Variants in GPR149 observed in about 807,000 individuals in gnomAD.
The protein encoded by GPR149 is probable G protein-coupled receptor 149.
GPR149 carries 50 observed loss-of-function variants against 50.2 expected under a neutral mutation model. That is an observed-to-expected ratio of 1.00 (90% confidence interval 0.79 to 1.26). The LOEUF is 1.26. Ranked by LOEUF, GPR149 falls within the 50% of genes most tolerant of loss-of-function variation. The pLI is 0.00. For synonymous variants in GPR149, 405 were observed against 358.2 expected, an observed-to-expected ratio of 1.13 and a Z score of -1.48; for missense variants, 983 against 895.4, an observed-to-expected ratio of 1.10 and a Z score of -1.25.
intron 3 of GPR149, among the ~76,000 whole-genome samples, chr3:154,339,931 A>G (rs1306100879): frequency 6.6e-6 from 1 of 151,406 alleles, no homozygotes; most frequent in East Asian, 1.9e-4. Flanking sequence ...CTGGGACTAC[A>G]GGCACCCACC....
chr3:154,395,289 A>T (rs903154430), intron 3 of GPR149, among the ~76,000 whole-genome samples: 1 of 151,834 alleles, frequency 6.6e-6, no homozygotes, highest in African/African-American at 2.4e-5. Context: ...ATCAAGTTTT[A>T]TCGTAATTTC....
intron 3 of GPR149, among the ~76,000 whole-genome samples, chr3:154,394,144 C>A (rs1047019767): frequency 6.6e-6 from 1 of 152,080 alleles, no homozygotes; most frequent in Non-Finnish European, 1.5e-5. Context: ...GGAGGCATCA[C>A]ATTTCCTGAT....
At position 154,429,715 on chromosome 3, in the gene GPR149, G is replaced by A. The variant is rs1029362261; in HGVS notation, c.-100C>T. 1 of 1,068,748 alleles carries A rather than the reference G, an allele frequency of 9.4e-7. No homozygotes were observed. The highest frequency in any genetic ancestry group is 1.5e-5 in the South Asian group (1 of 65,442). The allele number at this position is 1,068,748 out of a possible 1,614,324, so 66.2% of individuals were successfully genotyped here. A position where few individuals can be genotyped will look rare whatever the true frequency, so the allele number is the denominator to read the frequency against. On this transcript the variant is annotated 5_prime_UTR_variant, in exon 1 of 4. Transcript: ENST00000389740. ...AATCAGATTTCATTCCTCCTACCAA[G>A]TTCCCCTCTAGATGTTCTCCTTGTC... is the stretch of plus-strand genomic sequence containing the variant.
intron 3 of GPR149, among the ~76,000 whole-genome samples, chr3:154,374,163 T>C (rs1407482405): frequency 1.6e-4 from 4 of 24,980 alleles, no homozygotes; most frequent in African/African-American, 4.6e-4. Flanking sequence ...TCTTTTCTTT[T>C]CTTTTCTTTT....
chr3:154,352,694 C>A (rs1714109534), intron 3 of GPR149: 2 of 781,574 alleles, frequency 2.6e-6, no homozygotes, highest in Admixed American at 3.4e-5. Flanking sequence ...AGTCTCTGAG[C>A]TGATGGTCAG....
chr3:154,429,530 G>A lies in GPR149; in HGVS notation c.86C>T (p.Pro29Leu), dbSNP rs753624935. Residue 29 changes from proline to leucine, a missense_variant, in exon 1 of 4, where the codon CCA becomes CTA. Transcript: ENST00000389740. ...NHNSTDLLNP[P>L]GTLNIYLFCL... Reference sequence around the variant, plus strand: ...AAAAAGATAGATATTCAGGGTTCCTGGCGGATTTAAAAGGTCCGTAGAATT... The same window carrying A: ...AAAAAGATAGATATTCAGGGTTCCTAGCGGATTTAAAAGGTCCGTAGAATT... The A allele has an allele frequency of 3.1e-6, 5 of 1,614,070 alleles. No individual in the cohort carries two copies. Among genetic ancestry groups the A allele is most frequent in the Non-Finnish European group, 4.2e-6 (5 of 1,180,042 alleles).
chr3:154,405,128 A>G (rs1173072860), intron 3 of GPR149, among the ~76,000 whole-genome samples: 1 of 152,238 alleles, frequency 6.6e-6, no homozygotes, highest in Non-Finnish European at 1.5e-5. Context: ...ATGATATTAT[A>G]CTTATAAATT....
chr3:154,412,386 A>G (rs1711861659), intron 3 of GPR149, among the ~76,000 whole-genome samples: 2 of 152,064 alleles, frequency 1.3e-5, no homozygotes, highest in Admixed American at 1.3e-4. Flanking sequence ...ATTGGCACAG[A>G]GGAAGTCAAA....
At chr3:154,385,634 A>G (rs1269312380) in intron 3 of GPR149, among the ~76,000 whole-genome samples, 2 of 152,000 alleles carry the variant, frequency 1.3e-5, no homozygotes, top group East Asian at 1.9e-4. Flanking sequence ...TAGGAGCTGT[A>G]TAAGGGACAG....
At chr3:154,359,501 T>C (rs1157561819) in intron 3 of GPR149, among the ~76,000 whole-genome samples, 1 of 152,182 alleles carries the variant, frequency 6.6e-6, no homozygotes, top group Non-Finnish European at 1.5e-5. Flanking sequence ...TGACTACTGG[T>C]ATTGTTGACC....
chr3:154,338,305 G>A (rs764920068), intron 3 of GPR149, 34 bp from the exon 4 acceptor site: 68 of 1,468,006 alleles, frequency 4.6e-5, no homozygotes, highest in Non-Finnish European at 6.0e-5. Flanking sequence ...ATTGTTGAAA[G>A]CTAGGTTCTG....
intron 2 of GPR149, among the ~76,000 whole-genome samples, chr3:154,424,958 T>C (rs1364541279): frequency 1.3e-5 from 2 of 151,808 alleles, no homozygotes; most frequent in Non-Finnish European, 2.9e-5. Flanking sequence ...AAAAACGTCA[T>C]GTCAGGCAAA....
chr3:154,420,583 T>C (rs1333055448), intron 3 of GPR149, among the ~76,000 whole-genome samples: 31 of 152,134 alleles, frequency 2.0e-4, no homozygotes. Context: ...AGCTGCCTAA[T>C]ATACTTTCAA....
At chr3:154,353,592 G>A in intron 3 of GPR149, 1 of 1,152,360 alleles carries the variant, frequency 8.7e-7, no homozygotes, top group Non-Finnish European at 1.3e-6. Context: ...GCTTTGATAT[G>A]GTATTGCACC....
chr3:154,400,768 A>G (rs749662446), intron 3 of GPR149, among the ~76,000 whole-genome samples: 7 of 152,252 alleles, frequency 4.6e-5, no homozygotes, highest in Non-Finnish European at 7.3e-5. Context: ...TAATCTTGAA[A>G]TATTTGAAGG....
chr3:154,414,122 G>A (rs1347354939), intron 3 of GPR149, among the ~76,000 whole-genome samples: 1 of 151,866 alleles, frequency 6.6e-6, no homozygotes, highest in Non-Finnish European at 1.5e-5. Context: ...AGGATGCAAA[G>A]GTGTAAGAAT....
chr3:154,347,118 G>A (rs951158660), intron 3 of GPR149, among the ~76,000 whole-genome samples: 21 of 152,174 alleles, frequency 1.4e-4, no homozygotes, highest in African/African-American at 5.1e-4. Flanking sequence ...TTGAGTCATA[G>A]GGAGGTAATA....
chr3:154,342,038 T>C (rs1713810498), intron 3 of GPR149, among the ~76,000 whole-genome samples: 2 of 152,218 alleles, frequency 1.3e-5, no homozygotes, highest in Admixed American at 1.3e-4. Context: ...GATACCTATC[T>C]CATGTTACAT....
chr3:154,418,480 C>T (rs1712048861), intron 3 of GPR149, among the ~76,000 whole-genome samples: 1 of 88,794 alleles, frequency 1.1e-5, no homozygotes. Context: ...GAATACTATG[C>T]AGCCATAAAA....
Sources: gnomAD v4.1 joint callset for allele counts (sites outside exome capture counted in the v4.1 genomes callset) on GRCh38, gnomAD v4.1.1 for gene constraint, MANE v1.5 for transcripts, NCBI Gene and HGNC (gene_info 2026-07-23, HGNC 2026-07-21) for gene names.